The following CTNNA3 variants were observed in gnomAD, a reference collection of about 807,000 sequenced individuals.
CTNNA3 encodes catenin alpha-3.
CTNNA3 carries 76 observed loss-of-function variants against 95.7 expected under a neutral mutation model. That is an observed-to-expected ratio of 0.79 (90% CI 0.66 to 0.96). CTNNA3 has a LOEUF of 0.96. CTNNA3 is among the 40% of genes least tolerant of loss of function. The pLI is 0.00. For synonymous variants in CTNNA3, 431 were observed against 374.4 expected, an observed-to-expected ratio of 1.15 and a Z score of -1.74; for missense variants, 1,191 against 1,089.8, an observed-to-expected ratio of 1.09 and a Z score of -1.31.
At position 66,632,329 on chromosome 10, in the gene CTNNA3, G is replaced by A. The variant is rs1016371536; in HGVS notation, c.1282-10545C>T. ...GGCACTTTGGGAGGCTGAGGTGGGT[G>A]AATCTCCTGAGGTCAAGAGTTTGAG... On this transcript the variant is annotated intron_variant, in intron 9 of 17. Coordinates refer to ENST00000433211, the MANE Select transcript of CTNNA3 (RefSeq NM_013266.4). Among the ~76,000 whole-genome samples, 4 of 151,968 alleles carry A rather than the reference G, an allele frequency of 2.6e-5. No homozygotes were observed. In the East Asian group the frequency reaches 5.8e-4, roughly 22 times the overall value.
At chr10:66,032,437 T>C (rs1271876660) in intron 15 of CTNNA3, among the ~76,000 whole-genome samples, 8 of 152,176 alleles carry the variant, frequency 5.3e-5, no homozygotes, top group African/African-American at 1.4e-4. Context: ...TATCCTGAGA[T>C]GAAAGCAAGC....
chr10:66,766,526 T>C (rs1839865708), intron 8 of CTNNA3, 110 bp from the exon 9 acceptor site: 1 of 943,360 alleles, frequency 1.1e-6, no homozygotes, highest in Non-Finnish European at 1.5e-6. Flanking sequence ...TTTTGCACAA[T>C]TCCTAAAATC....
intron 17 of CTNNA3, among the ~76,000 whole-genome samples, chr10:65,923,632 A>G (rs766560781): frequency 8.5e-5 from 13 of 152,196 alleles, no homozygotes; most frequent in Non-Finnish European, 1.9e-4. Context: ...TCAAGCTTCT[A>G]ATTAAATTGA....
chr10:66,314,909 G>T (rs2092077657), intron 12 of CTNNA3, among the ~76,000 whole-genome samples: 1 of 152,024 alleles, frequency 6.6e-6, no homozygotes, highest in Admixed American at 6.6e-5. Context: ...GTGTCTGTCA[G>T]TGCAAAAATA....
chr10:67,751,836 C>CA (rs34653199), intron 1 of CTNNA3, among the ~76,000 whole-genome samples: 9,123 of 93,006 alleles, frequency 0.098, 772 homozygotes, highest in East Asian at 0.48. Context: ...AGCTACCAAC[C>CA]AAAAAAAAAA....
chr10:66,593,171 G>A (rs1843607286), intron 10 of CTNNA3, among the ~76,000 whole-genome samples: 1 of 152,126 alleles, frequency 6.6e-6, no homozygotes, highest in South Asian at 2.1e-4. Flanking sequence ...CCAATTCATA[G>A]GATCTTGCTT....
In CTNNA3 at chr10:67,117,110, A is replaced by G. The variant is rs114001161; in HGVS notation, c.1047+63207T>C. On this transcript the variant is annotated intron_variant, in intron 7 of 17. Transcript: ENST00000433211. ...TGATGAAAACCTAAGCCAGGCTGCCATGAATTGAACAACAGAGAAAAACAG... is the reference window on the plus strand; with the variant it reads ...TGATGAAAACCTAAGCCAGGCTGCCGTGAATTGAACAACAGAGAAAAACAG... 3.9e-3 allele frequency among the ~76,000 whole-genome samples: 599 copies of G among 152,170 alleles called. 1 individual carries two copies. Among genetic ancestry groups the G allele is most frequent in the African/African-American group, 0.013 (558 of 41,552 alleles).
intron 10 of CTNNA3, among the ~76,000 whole-genome samples, chr10:66,614,735 T>C (rs1202088745): frequency 1.3e-5 from 2 of 152,126 alleles, no homozygotes; most frequent in Middle Eastern, 3.4e-3. Context: ...CAGATAGATA[T>C]AACAAAGCAA....
intron 13 of CTNNA3, among the ~76,000 whole-genome samples, chr10:66,103,940 A>ATTTTAT (rs1303516981): frequency 6.6e-6 from 1 of 152,152 alleles, no homozygotes; most frequent in Non-Finnish European, 1.5e-5. Context: ...CACAGGGAAA[A>ATTTTAT]TTTTATTTCA....
At chr10:66,148,214 T>C (rs2083998267) in intron 13 of CTNNA3, among the ~76,000 whole-genome samples, 1 of 152,112 alleles carries the variant, frequency 6.6e-6, no homozygotes, top group Admixed American at 6.6e-5. Flanking sequence ...AACATTTTTC[T>C]TGTCAATTTT....
rs4462228 is a variant in CTNNA3 at position 67,204,542 on chromosome 10, G to A, written c.843+15065C>T. Among the ~76,000 whole-genome samples, 7 of 151,980 alleles carry A rather than the reference G, an allele frequency of 4.6e-5. No individual in the cohort carries two copies. The East Asian group carries it at 7.7e-4, about 17-fold the overall frequency. On this transcript the variant is annotated intron_variant, in intron 6 of 17. Transcript: ENST00000433211. ...TGTTTTCTTTATAAATTTCCCAGTC[G>A]CAGGTATTCATAGCAGTGCAAGAAC... is the stretch of plus-strand genomic sequence containing the variant.
intron 7 of CTNNA3, among the ~76,000 whole-genome samples, chr10:66,993,612 T>C (rs1292617185): frequency 6.6e-6 from 1 of 152,004 alleles, no homozygotes; most frequent in African/African-American, 2.4e-5. Context: ...ATAATGTGAT[T>C]TTTGAGTGAA....
At chr10:66,796,771 G>A (rs938812004) in intron 7 of CTNNA3, among the ~76,000 whole-genome samples, 2 of 151,976 alleles carry the variant, frequency 1.3e-5, no homozygotes, top group African/African-American at 2.4e-5. Flanking sequence ...AAATCAATAA[G>A]TGAATATATG....
chr10:66,719,422 G>A (rs1848555540), intron 9 of CTNNA3, among the ~76,000 whole-genome samples: 1 of 152,086 alleles, frequency 6.6e-6, no homozygotes, highest in South Asian at 2.1e-4. Context: ...CTACATTTTA[G>A]GAGCAAAAGA....
rs370652492 is a variant in CTNNA3 at position 66,550,690 on chromosome 10, G to A, written c.1375-29917C>T. Among the ~76,000 whole-genome samples, 57 of 151,992 alleles carry A rather than the reference G, an allele frequency of 3.8e-4. 1 individual carries two copies. In the South Asian group the frequency reaches 0.011, roughly 30 times the overall value. The stretch of plus-strand genomic sequence containing the variant: ...TCTACCGTTTTATTATTATTTTGTT[G>A]TTCCTCTATTCCCACTTCTTTGTTT... On this transcript the variant is annotated intron_variant, in intron 10 of 17. Coordinates refer to ENST00000433211, the MANE Select transcript of CTNNA3 (RefSeq NM_013266.4).
chr10:67,045,677 G>C (rs1335262744), intron 7 of CTNNA3, among the ~76,000 whole-genome samples: 1 of 152,182 alleles, frequency 6.6e-6, no homozygotes, highest in Non-Finnish European at 1.5e-5. Context: ...TCCTGGCGCG[G>C]GATGGGGCGG....
intron 10 of CTNNA3, among the ~76,000 whole-genome samples, chr10:66,541,855 G>C (rs1450330914): frequency 6.6e-6 from 1 of 152,180 alleles, no homozygotes; most frequent in East Asian, 1.9e-4. Context: ...CCATATGTCT[G>C]TAAAGTGTTT....
At chr10:66,715,386 GC>G (rs1419845631) in intron 9 of CTNNA3, among the ~76,000 whole-genome samples, 1 of 151,878 alleles carries the variant, frequency 6.6e-6, no homozygotes, top group African/African-American at 2.4e-5. Flanking sequence ...GGATGTTAAT[GC>G]CCCCTCCTAG....
intron 1 of CTNNA3, among the ~76,000 whole-genome samples, chr10:67,721,321 C>A (rs141915660): frequency 6.6e-6 from 1 of 152,244 alleles, no homozygotes; most frequent in African/African-American, 2.4e-5. Context: ...GGTCTTTTCA[C>A]ATGGTCCCAT....
Sources: gnomAD v4.1 joint callset for allele counts (sites outside exome capture counted in the v4.1 genomes callset) on GRCh38, gnomAD v4.1.1 for gene constraint, MANE v1.5 for transcripts, NCBI Gene and HGNC (gene_info 2026-07-23, HGNC 2026-07-21) for gene names.